Variants in PCDHGA4 observed in about 807,000 individuals in gnomAD.
PCDHGA4 encodes protocadherin gamma-A4.
PCDHGA4 carries 38 observed loss-of-function variants against 54.6 expected under a neutral mutation model. That is an observed-to-expected ratio of 0.70 (90% confidence interval 0.54 to 0.91). PCDHGA4 has a LOEUF of 0.91. PCDHGA4 is among the 40% of genes least tolerant of loss of function. The pLI is 0.00. For synonymous variants in PCDHGA4, 511 were observed against 512.9 expected, an observed-to-expected ratio of 1.00 and a Z score of 0.05; for missense variants, 1,298 against 1,220.9, an observed-to-expected ratio of 1.06 and a Z score of -0.94.
At chr5:141,444,188 T>TTTTTTTTTTG (rs2098424052) in intron 1 of PCDHGA4, among the ~76,000 whole-genome samples, 1 of 129,374 alleles carries the variant, frequency 7.7e-6, no homozygotes, top group African/African-American at 3.1e-5. Flanking sequence ...TTTTTTTTTT[T>TTTTTTTTTTG]GAGATGGAGT....
At position 141,431,542 on chromosome 5, in the gene PCDHGA4, G is replaced by C; in HGVS notation, c.2515-63265G>C. On this transcript the variant is annotated intron_variant, in intron 1 of 3. Coordinates refer to ENST00000571252, the MANE Select transcript of PCDHGA4 (RefSeq NM_018917.4). The surrounding 1 kb of genome is among the most constrained non-coding windows in gnomAD (Gnocchi z 4.8). ...AGAATCTGGCCTTGGGCACGCAGCT[G>C]CTTGTAGTCAACGCTACCGACCCTG... The C allele has an allele frequency of 1.9e-6, 3 of 1,614,124 alleles. No homozygotes were observed. The highest frequency in any genetic ancestry group is 1.1e-5 in the South Asian group (1 of 91,086).
At chr5:141,389,736 G>C in intron 1 of PCDHGA4, 1 of 1,612,710 alleles carries the variant, frequency 6.2e-7, no homozygotes, top group Non-Finnish European at 8.5e-7. Context: ...CTTCAGCCTG[G>C]GGCTGCGCAC....
chr5:141,375,920 G>C, intron 1 of PCDHGA4: 1 of 1,613,748 alleles, frequency 6.2e-7, no homozygotes, highest in Non-Finnish European at 8.5e-7. Flanking sequence ...CAAGGCCAGC[G>C]AGCCAGGACT....
chr5:141,455,093 T>C (rs2098812615), intron 1 of PCDHGA4, among the ~76,000 whole-genome samples: 1 of 152,060 alleles, frequency 6.6e-6, no homozygotes, highest in African/African-American at 2.4e-5. Context: ...ATTACAGGCT[T>C]GAGCCACTGC....
intron 1 of PCDHGA4, chr5:141,373,862 A>G (rs1168900381): frequency 6.5e-6 from 3 of 464,904 alleles, no homozygotes; most frequent in Non-Finnish European, 1.1e-5. Flanking sequence ...GCTGTTGACC[A>G]ACCTGGGCAA....
chr5:141,382,652 G>A, intron 1 of PCDHGA4: 1 of 410,070 alleles, frequency 2.4e-6, no homozygotes, highest in Non-Finnish European at 4.3e-6. Flanking sequence ...AACTTAGTAA[G>A]GACTCACAGC....
chr5:141,454,010 G>A (rs998092071), intron 1 of PCDHGA4, among the ~76,000 whole-genome samples: 2 of 152,146 alleles, frequency 1.3e-5, no homozygotes, highest in African/African-American at 4.8e-5. Context: ...TAACATTTTA[G>A]AAAAATGTAT....
intron 1 of PCDHGA4, among the ~76,000 whole-genome samples, chr5:141,456,778 C>T (rs568292085): frequency 3.7e-4 from 57 of 152,242 alleles, no homozygotes; most frequent in African/African-American, 1.3e-3. Flanking sequence ...GCCTGGCCTA[C>T]ATGGCAAAAC....
intron 1 of PCDHGA4, among the ~76,000 whole-genome samples, chr5:141,357,968 T>C (rs1760776838): frequency 6.6e-6 from 1 of 152,172 alleles, no homozygotes; most frequent in Non-Finnish European, 1.5e-5. Context: ...GGAGGACGGA[T>C]TGCCTGAGCT....
At chr5:141,389,765 G>C in intron 1 of PCDHGA4, 1 of 1,612,992 alleles carries the variant, frequency 6.2e-7, no homozygotes, top group Non-Finnish European at 8.5e-7. Context: ...TGCGCACAGC[G>C]CGTGCCTTAG....
chr5:141,402,110 T>G (rs900421956), intron 1 of PCDHGA4, among the ~76,000 whole-genome samples: 1 of 152,150 alleles, frequency 6.6e-6, no homozygotes, highest in Admixed American at 6.5e-5. Context: ...ATTACAAAAA[T>G]GTGAAAATTT....
rs769551114 is a variant in PCDHGA4, at chr5:141,402,989, T to A, written c.2514+45368T>A. On this transcript the variant is annotated intron_variant, in intron 1 of 3. Coordinates refer to ENST00000571252, the MANE Select transcript of PCDHGA4 (RefSeq NM_018917.4). ...AACCAAATGCCAGCTCCGCGGAAGA[T>A]TAGTCCTGCTATGCTCGCTCCTGGG... The A allele has an allele frequency of 2.5e-6, 4 of 1,611,874 alleles. No homozygotes were observed. Among genetic ancestry groups the A allele is most frequent in the Non-Finnish European group, 3.4e-6 (4 of 1,179,236 alleles).
At chr5:141,478,766 T>C in intron 1 of PCDHGA4, 2 of 1,505,456 alleles carry the variant, frequency 1.3e-6, no homozygotes, top group Non-Finnish European at 1.8e-6. Flanking sequence ...GATACTTGAC[T>C]CATCTGTGGA....
chr5:141,389,847 A>T (rs541124715), intron 1 of PCDHGA4: 1 of 1,614,066 alleles, frequency 6.2e-7, no homozygotes, highest in African/African-American at 1.3e-5. Flanking sequence ...ACTCTCGGCC[A>T]CTGCCACGTT....
intron 1 of PCDHGA4, among the ~76,000 whole-genome samples, chr5:141,463,438 CTTTTTTTTTTTTTTTT>C (rs71576115): frequency 1.9e-5 from 2 of 103,256 alleles, no homozygotes; most frequent in African/African-American, 4.5e-5. Context: ...TTTCCTTCTC[CTTTTTTTTTTTTTTTT>C]TTTTTTTTTT....
At chr5:141,379,593 AC>A (rs1775703652) in intron 1 of PCDHGA4, 1 of 152,152 alleles carries the variant, frequency 6.6e-6, no homozygotes, top group Non-Finnish European at 1.5e-5. Flanking sequence ...TTCTCTTATT[AC>A]CTGTGACCAT....
intron 1 of PCDHGA4, among the ~76,000 whole-genome samples, chr5:141,480,796 C>G (rs1007525949): frequency 2.6e-5 from 4 of 152,074 alleles, no homozygotes; most frequent in African/African-American, 7.2e-5. Flanking sequence ...ATTTGAAAAC[C>G]ACAGCTTTGG....
Position 141,511,176 on chromosome 5 carries a change from T to C in PCDHGA4, c.*3T>C, listed in dbSNP as rs375508988. On this transcript the variant is annotated 3_prime_UTR_variant, in exon 4 of 4. Transcript: ENST00000571252. ...CGGGCAAGAAGGAGAAGAAGTAACA[T>C]GGAGGCCAGGCCAAGAGCCACAGGG... 198 of 1,614,046 alleles carry C rather than the reference T, an allele frequency of 1.2e-4. 1 individual carries two copies. The highest frequency in any genetic ancestry group is 6.5e-5 in the Non-Finnish European group (77 of 1,179,964).
At chr5:141,375,234 G>C (rs371683670) in intron 1 of PCDHGA4, 16 of 1,613,840 alleles carry the variant, frequency 9.9e-6, no homozygotes, top group African/African-American at 1.3e-5. Context: ...CTGGTAACCT[G>C]TTCCATCCCG....
Sources: allele counts gnomAD v4.1 joint callset (sites outside exome capture counted in the v4.1 genomes callset), GRCh38; gene constraint gnomAD v4.1.1; non-coding constraint Gnocchi (gnomAD v3.1); transcripts MANE v1.5; gene names NCBI Gene and HGNC (gene_info 2026-07-23, HGNC 2026-07-21).